The following FGD3 variants were observed in gnomAD, a reference collection of about 807,000 sequenced individuals.
FGD3 encodes FYVE, RhoGEF and PH domain-containing protein 3.
Under a neutral mutation model 71.8 loss-of-function variants are expected in FGD3, and 45 were observed. That is an observed-to-expected ratio of 0.63 (90% CI 0.49 to 0.80). The LOEUF (loss-of-function observed/expected upper bound fraction) is 0.80. Ranked by LOEUF, FGD3 falls within the 30% of genes least tolerant of loss-of-function variation. The probability of loss-of-function intolerance (pLI) is 0.00; values close to 1 mark genes in which losing one functional copy is unlikely to be tolerated. For synonymous variants in FGD3, 378 were observed against 392.8 expected, an observed-to-expected ratio of 0.96 and a Z score of 0.44; for missense variants, 844 against 951.5, an observed-to-expected ratio of 0.89 and a Z score of 1.49.
chr9:93,026,662 G>A (rs1257248084), intron 14 of FGD3, among the ~76,000 whole-genome samples: 1 of 152,224 alleles, frequency 6.6e-6, no homozygotes, highest in Non-Finnish European at 1.5e-5. Flanking sequence ...TTCCAGAATT[G>A]TCCTCTGTCC....
chr9:92,972,740 T>C (rs1859582931), intron 1 of FGD3, among the ~76,000 whole-genome samples: 1 of 152,224 alleles, frequency 6.6e-6, no homozygotes. Context: ...TGTATTACAC[T>C]ACTTGAAGTT....
chr9:93,035,778 C>A lies in FGD3; in HGVS notation c.*189C>A. 2.3e-6 allele frequency: 2 copies of A among 882,582 alleles called. No individual in the cohort carries two copies. Among genetic ancestry groups the A allele is most frequent in the Non-Finnish European group, 3.2e-6 (2 of 617,800 alleles). 54.7% of individuals were successfully genotyped at this position (882,582 alleles called of 1,614,324 possible). ...GGGGCAACCACTGGCCAAGGGTCAC[C>A]CAGCAAGTTTTGGCTAAGAGCCTGG... On this transcript the variant is annotated 3_prime_UTR_variant, in exon 18 of 18. Transcript: ENST00000375482.
chr9:93,022,499 G>A, intron 14 of FGD3, 110 bp downstream of exon 14: 1 of 1,183,350 alleles, frequency 8.5e-7, no homozygotes, highest in Non-Finnish European at 1.2e-6. Flanking sequence ...GGGCCTCCTG[G>A]AGGCGGAGGG....
chr9:92,948,696 C>T (rs1858900127), intron 1 of FGD3, among the ~76,000 whole-genome samples: 1 of 152,218 alleles, frequency 6.6e-6, no homozygotes, highest in South Asian at 2.1e-4. Context: ...GGTTGACCCT[C>T]TTTTTCATAT....
At chr9:92,949,065 G>A (rs1320967002) in intron 1 of FGD3, among the ~76,000 whole-genome samples, 1 of 152,124 alleles carries the variant, frequency 6.6e-6, no homozygotes, top group African/African-American at 2.4e-5. Context: ...GGCTCCTAGG[G>A]GACTGCAGGC....
intron 3 of FGD3, among the ~76,000 whole-genome samples, chr9:92,981,260 C>T (rs1046701313): frequency 4.7e-5 from 7 of 149,274 alleles, no homozygotes; most frequent in Admixed American, 2.7e-4. Flanking sequence ...CCCAGCTACT[C>T]GGGAGGCTGA....
intron 8 of FGD3, among the ~76,000 whole-genome samples, chr9:93,012,743 C>G (rs949745191): frequency 1.3e-5 from 2 of 151,886 alleles, no homozygotes; most frequent in Non-Finnish European, 1.5e-5. Flanking sequence ...CAGGACCTGC[C>G]TGGTGCAGGA....
At chr9:92,968,078 T>C (rs1266778140) in intron 1 of FGD3, among the ~76,000 whole-genome samples, 3 of 152,160 alleles carry the variant, frequency 2.0e-5, no homozygotes, top group East Asian at 3.9e-4. Flanking sequence ...TGGACTCACA[T>C]GGGAAACTGG....
In FGD3 at chr9:93,015,886, T is replaced by C. The variant is rs1861661408; in HGVS notation, c.1275+57T>C. On this transcript the variant is annotated intron_variant, in intron 10 of 17. Coordinates refer to ENST00000375482, the MANE Select transcript of FGD3 (RefSeq NM_001083536.2). The stretch of plus-strand genomic sequence containing the variant: ...CCCTGGAAGGGGCACTGAGCAGGAC[T>C]GGGGACACCAGGCTCTGGCCGCTGA... The C allele has an allele frequency of 4.6e-6, 7 of 1,511,698 alleles. No individual in the cohort carries two copies. The South Asian group carries it at 6.7e-5, about 15-fold the overall frequency. The allele number at this position is 1,511,698 out of a possible 1,614,324, so 93.6% of individuals were successfully genotyped here.
intron 11 of FGD3, 92 bp downstream of exon 11, chr9:93,018,307 T>C: frequency 8.3e-7 from 1 of 1,207,202 alleles, no homozygotes; most frequent in Non-Finnish European, 1.2e-6. Context: ...TATTTATGCA[T>C]GGCTTAAAAT....
At chr9:93,015,857 G>A in intron 10 of FGD3, 28 bp downstream of exon 10, 1 of 1,605,560 alleles carries the variant, frequency 6.2e-7, no homozygotes, top group Non-Finnish European at 8.5e-7. Flanking sequence ...TCTCAAACCT[G>A]TCCCCCTGGA....
intron 8 of FGD3, among the ~76,000 whole-genome samples, chr9:93,012,510 C>G (rs1024475032): frequency 6.6e-6 from 1 of 152,142 alleles, no homozygotes; most frequent in Non-Finnish European, 1.5e-5. Context: ...CAAGGCCAGG[C>G]GTGGTGGCTC....
At chr9:93,023,540 G>A (rs1027351397) in intron 14 of FGD3, among the ~76,000 whole-genome samples, 16 of 152,138 alleles carry the variant, frequency 1.1e-4, no homozygotes, top group Non-Finnish European at 4.4e-5. Flanking sequence ...AGTCTGACAC[G>A]GGGTGGGCAG....
intron 8 of FGD3, among the ~76,000 whole-genome samples, chr9:93,012,690 G>C (rs1477511508): frequency 7.7e-6 from 1 of 129,152 alleles, no homozygotes; most frequent in Non-Finnish European, 1.6e-5. Flanking sequence ...GCGGTGGCGG[G>C]GTGTGGGGGG....
At position 93,015,776 on chromosome 9, in the gene FGD3, C is replaced by T. The variant is rs1256908973; in HGVS notation, c.1222C>T (p.Leu408Phe). 1 of 1,614,104 alleles carries T rather than the reference C, an allele frequency of 6.2e-7. No homozygotes were observed. Among genetic ancestry groups the T allele is most frequent in the Non-Finnish European group, 8.5e-7 (1 of 1,180,046 alleles). ...CCTTTACTGTGTGCCCAAGCTGCGG[C>T]TCATGGGCCAGAAGTTCAGCGTCCG... ...MILYCVPKLR[L>F]MGQKFSVREK... The change falls in exon 10 of 18, where the codon CTC becomes TTC. Residue 408 changes from leucine (L) to phenylalanine (F), a missense_variant. Coordinates refer to ENST00000375482, the MANE Select transcript of FGD3 (RefSeq NM_001083536.2).
At chr9:93,023,795 C>CCTTTTTTTTTTTTTTTTTTTTTTTT (rs1862017356) in intron 14 of FGD3, among the ~76,000 whole-genome samples, 1 of 107,672 alleles carries the variant, frequency 9.3e-6, no homozygotes, top group African/African-American at 3.9e-5. Flanking sequence ...CCATCAGCAA[C>CCTTTTTTTTTTTTTTTTTTTTTTTT]TTTTTTTTTT....
chr9:93,030,615 A>T (rs1214620587), intron 15 of FGD3, among the ~76,000 whole-genome samples: 1 of 151,526 alleles, frequency 6.6e-6, no homozygotes. Flanking sequence ...ACTGGATCTC[A>T]GCACAGAATG....
intron 1 of FGD3, among the ~76,000 whole-genome samples, chr9:92,968,597 T>A (rs1404508385): frequency 9.8e-6 from 1 of 102,458 alleles, no homozygotes; most frequent in East Asian, 2.4e-4. Flanking sequence ...CTTTTCTTTT[T>A]TCTTTCTTTC....
chr9:93,004,209 C>T (rs1303018580), intron 5 of FGD3, 72 bp downstream of exon 5: 13 of 1,575,704 alleles, frequency 8.3e-6, no homozygotes, highest in Middle Eastern at 3.5e-4. Context: ...TGCCTGAGAG[C>T]GAGGCAAGTG....
Sources: gnomAD v4.1 joint callset for allele counts (sites outside exome capture counted in the v4.1 genomes callset) on GRCh38, gnomAD v4.1.1 for gene constraint, MANE v1.5 for transcripts, NCBI Gene and HGNC (gene_info 2026-07-23, HGNC 2026-07-21) for gene names.